The following VSTM2L variants were observed in gnomAD, a reference collection of about 807,000 sequenced individuals.
VSTM2L encodes the protein V-set and transmembrane domain-containing protein 2-like protein.
VSTM2L carries 9 observed loss-of-function variants against 19.9 expected under a neutral mutation model. That is an observed-to-expected ratio of 0.45 (90% CI 0.27 to 0.79). VSTM2L has a LOEUF of 0.79. Among genes scored for constraint, VSTM2L ranks in the 30% least tolerant of loss-of-function variants. The probability of loss-of-function intolerance (pLI) is 0.15; values close to 1 mark genes in which losing one functional copy is unlikely to be tolerated. For missense variants in VSTM2L, 286 were observed against 295.5 expected (o/e 0.97, Z 0.24); for synonymous variants, 127 against 133.8 (o/e 0.95, Z 0.35).
At chr20:37,913,678 G>T (rs2122941798) in intron 1 of VSTM2L, among the ~76,000 whole-genome samples, 1 of 152,320 alleles carries the variant, frequency 6.6e-6, no homozygotes, top group African/African-American at 2.4e-5. Context: ...GTTCCTTCTG[G>T]GCCTGTATCC....
chr20:37,913,206 A>G (rs555821538), intron 1 of VSTM2L, among the ~76,000 whole-genome samples: 3 of 152,074 alleles, frequency 2.0e-5, no homozygotes, highest in East Asian at 1.9e-4. Context: ...TGGAAGTCAC[A>G]CTCCTCTTAA....
Position 37,931,725 on chromosome 20 carries a change from C to T in VSTM2L, c.212C>T (p.Ser71Phe), listed in dbSNP as rs1432104843. Residue 71 changes from serine to phenylalanine, a missense_variant, in exon 2 of 4, where the codon TCC becomes TTC. Coordinates refer to ENST00000373461, the MANE Select transcript of VSTM2L (RefSeq NM_080607.3). Reference sequence around the variant, plus strand: ...TCCTTCCGCGGCAGCGGCTCCCCCTCCTACTCGCTGGAGATCCAGTGGTGG... The same window carrying T: ...TCCTTCCGCGGCAGCGGCTCCCCCTTCTACTCGCTGGAGATCCAGTGGTGG... Reference protein sequence around the residue: ...ACSFRGSGSPSYSLEIQWWYV... With the variant: ...ACSFRGSGSPFYSLEIQWWYV... The T allele has an allele frequency of 6.2e-7, 1 of 1,613,862 alleles. No individual in the cohort carries two copies. Among genetic ancestry groups the T allele is most frequent in the Non-Finnish European group, 8.5e-7 (1 of 1,180,028 alleles).
intron 1 of VSTM2L, among the ~76,000 whole-genome samples, chr20:37,925,953 G>A (rs2072876962): frequency 1.3e-5 from 2 of 152,184 alleles, no homozygotes; most frequent in African/African-American, 2.4e-5. Context: ...CCTCCAGCTG[G>A]GTGAAATGCC....
chr20:37,921,223 T>G (rs1201673895), intron 1 of VSTM2L, among the ~76,000 whole-genome samples: 1 of 152,132 alleles, frequency 6.6e-6, no homozygotes, highest in Non-Finnish European at 1.5e-5. Flanking sequence ...GGACTACCTG[T>G]GAGTCAGGAT....
intron 3 of VSTM2L, among the ~76,000 whole-genome samples, chr20:37,940,324 C>A (rs945693996): frequency 6.6e-6 from 1 of 152,246 alleles, no homozygotes; most frequent in Admixed American, 6.5e-5. Context: ...AGAGGGGCAG[C>A]TGGGAGGGTT....
chr20:37,914,615 C>A (rs2072806376), intron 1 of VSTM2L, among the ~76,000 whole-genome samples: 1 of 152,004 alleles, frequency 6.6e-6, no homozygotes, highest in Admixed American at 6.6e-5. Context: ...TGCTCTCTTC[C>A]CGTCTCCCGG....
chr20:37,918,328 C>G (rs537861878), intron 1 of VSTM2L, among the ~76,000 whole-genome samples: 3 of 152,316 alleles, frequency 2.0e-5, no homozygotes, highest in African/African-American at 7.2e-5. Flanking sequence ...CACACTTGAG[C>G]AGGACCTGCG....
intron 3 of VSTM2L, among the ~76,000 whole-genome samples, chr20:37,938,530 C>G (rs890031865): frequency 2.0e-5 from 3 of 152,230 alleles, no homozygotes; most frequent in Non-Finnish European, 4.4e-5. Flanking sequence ...TCTGGCGTGG[C>G]TGGAAGACGA....
chr20:37,928,428 C>A (rs377557214), intron 1 of VSTM2L, among the ~76,000 whole-genome samples: 6 of 152,204 alleles, frequency 3.9e-5, no homozygotes, highest in Non-Finnish European at 8.8e-5. Context: ...CCACCACTGC[C>A]CAGCCAAGGT....
chr20:37,916,625 C>CA (rs2072820000), intron 1 of VSTM2L, among the ~76,000 whole-genome samples: 2 of 152,226 alleles, frequency 1.3e-5, no homozygotes, highest in Non-Finnish European at 2.9e-5. Context: ...GGCAAGTCCC[C>CA]ACCCACTCCG....
At chr20:37,940,412 G>A (rs1490179603) in intron 3 of VSTM2L, among the ~76,000 whole-genome samples, 2 of 152,240 alleles carry the variant, frequency 1.3e-5, no homozygotes, top group Non-Finnish European at 2.9e-5. Flanking sequence ...TCCACGTAGG[G>A]GACGATGGGC....
Position 37,931,776 on chromosome 20 carries a change from C to T in VSTM2L, c.263C>T (p.Thr88Ile), listed in dbSNP as rs773101382. ...WWYVRSHRDW[T>I]DKQAWASNQL... ...TATGTACGGAGCCACCGGGACTGGACCGACAAGCAGGCGTGGGCCTCGAAC... is the reference window on the plus strand; with the variant it reads ...TATGTACGGAGCCACCGGGACTGGATCGACAAGCAGGCGTGGGCCTCGAAC... The change falls in exon 2 of 4, where the codon ACC becomes ATC. Residue 88 changes from threonine to isoleucine, a missense_variant. Transcript: ENST00000373461. The T allele has an allele frequency of 1.2e-6, 2 of 1,613,928 alleles. No individual in the cohort carries two copies. The highest frequency in any genetic ancestry group is 1.3e-5 in the African/African-American group (1 of 75,074).
At chr20:37,933,282 T>A (rs2072920961) in intron 2 of VSTM2L, among the ~76,000 whole-genome samples, 1 of 152,246 alleles carries the variant, frequency 6.6e-6, no homozygotes, top group Non-Finnish European at 1.5e-5. Context: ...CACCCTTGTG[T>A]ATCTAAATGC....
At chr20:37,924,517 G>A (rs1165018961) in intron 1 of VSTM2L, among the ~76,000 whole-genome samples, 1 of 146,272 alleles carries the variant, frequency 6.8e-6, no homozygotes, top group Non-Finnish European at 1.5e-5. Context: ...TGGCACCACT[G>A]CACTCCAGCC....
chr20:37,911,703 C>A (rs1568834273), intron 1 of VSTM2L, among the ~76,000 whole-genome samples: 1 of 152,152 alleles, frequency 6.6e-6, no homozygotes, highest in Non-Finnish European at 1.5e-5. Context: ...TTTTTGTCTA[C>A]TATACTCCCC....
At chr20:37,928,623 C>A (rs1398256992) in intron 1 of VSTM2L, among the ~76,000 whole-genome samples, 3 of 152,178 alleles carry the variant, frequency 2.0e-5, no homozygotes. Flanking sequence ...GGCATGGTGG[C>A]TCGTGCCTGT....
intron 1 of VSTM2L, among the ~76,000 whole-genome samples, chr20:37,925,527 G>C (rs998117776): frequency 1.3e-5 from 2 of 152,144 alleles, no homozygotes; most frequent in African/African-American, 2.4e-5. Flanking sequence ...CTCCGGGGCA[G>C]CTTGGGGTGG....
At chr20:37,919,473 A>G (rs1484756503) in intron 1 of VSTM2L, among the ~76,000 whole-genome samples, 1 of 152,210 alleles carries the variant, frequency 6.6e-6, no homozygotes, top group African/African-American at 2.4e-5. Context: ...CATCCTGATT[A>G]TCTGGGTTTT....
In VSTM2L at chr20:37,945,336, G is replaced by C. The variant is rs918289254; in HGVS notation, c.*1083G>C. ...GTGACTACCAGCCAACCTGAATAAA[G>C]CGGTTTTAAAAAAACCTCTGGGCAG... On this transcript the variant is annotated 3_prime_UTR_variant, in exon 4 of 4. Transcript: ENST00000373461. 9.4e-6 allele frequency: 9 copies of C among 961,114 alleles called. No individual in the cohort carries two copies. In the East Asian group the frequency reaches 5.8e-4, roughly 61 times the overall value. The allele number at this position is 961,114 out of a possible 1,614,324, so 59.5% of individuals were successfully genotyped here.
Sources: allele counts gnomAD v4.1 joint callset (sites outside exome capture counted in the v4.1 genomes callset), GRCh38; gene constraint gnomAD v4.1.1; transcripts MANE v1.5; gene names NCBI Gene and HGNC (gene_info 2026-07-23, HGNC 2026-07-21).